MYO1C: variants seen among roughly 807,000 people sequenced by gnomAD.
MYO1C encodes the protein unconventional myosin-Ic.
In MYO1C, 104 loss-of-function variants were observed where a neutral mutation model predicts 150.8. That is an observed-to-expected ratio of 0.69 (90% CI 0.59 to 0.81). The LOEUF (loss-of-function observed/expected upper bound fraction) is 0.81. MYO1C is among the 30% of genes least tolerant of loss of function. The pLI is 0.00. For synonymous variants in MYO1C, 663 were observed against 579.9 expected (o/e 1.14, Z -2.06); for missense variants, 1,504 against 1,435.0 (o/e 1.05, Z -0.78).
intron 29 of MYO1C, 109 bp downstream of exon 29, chr17:1,467,731 A>C (rs1262411600): frequency 1.2e-3 from 285 of 230,726 alleles, no homozygotes; most frequent in African/African-American, 1.7e-3. Flanking sequence ...ACCCCCATCC[A>C]CCCTCCCACC....
At chr17:1,466,067 G>A (rs972145963) in intron 31 of MYO1C, among the ~76,000 whole-genome samples, 19 of 151,394 alleles carry the variant, frequency 1.3e-4, no homozygotes, top group African/African-American at 4.1e-4. Context: ...AATGCCCACC[G>A]CCCTGGCCAG....
Position 1,478,830 on chromosome 17 carries a change from T to G in MYO1C, c.1093-95A>C. 6.3e-7 allele frequency: 1 copy of G among 1,576,158 alleles called. No individual in the cohort carries two copies. Among genetic ancestry groups the G allele is most frequent in the Admixed American group, 1.7e-5 (1 of 58,336 alleles). On this transcript the variant is annotated intron_variant, in intron 9 of 31. Coordinates refer to ENST00000648651, the MANE Select transcript of MYO1C (RefSeq NM_001080779.2). This position sits in a 1 kb window ranked among gnomAD's most constrained non-coding sequence, Gnocchi z 6.3. ...AGGCAGACCAGGAAGCCGCCACCAC[T>G]CTGCACTCCCAGCTCCAGCAAGCCT... is the stretch of plus-strand genomic sequence containing the variant.
Position 1,478,367 on chromosome 17 carries a change from G to A in MYO1C, c.1295+43C>T. On this transcript the variant is annotated intron_variant, in intron 11 of 31. Coordinates refer to ENST00000648651, the MANE Select transcript of MYO1C (RefSeq NM_001080779.2). This position sits in a 1 kb window ranked among gnomAD's most constrained non-coding sequence, Gnocchi z 6.3. ...CTGGAGGACAGAAGAGAGGGAGCAG[G>A]ACAGGAGACCGGGAGGAGAGACGGG... The A allele has an allele frequency of 6.2e-7, 1 of 1,609,604 alleles. No individual in the cohort carries two copies. Among genetic ancestry groups the A allele is most frequent in the Non-Finnish European group, 8.5e-7 (1 of 1,175,948 alleles).
chr17:1,491,748 G>A, intron 1 of MYO1C: 4 of 676,768 alleles, frequency 5.9e-6, no homozygotes, highest in Non-Finnish European at 7.3e-6. Context: ...CGCACCCTCC[G>A]GCCCCGCCCC....
intron 5 of MYO1C, 59 bp from the exon 6 acceptor site, chr17:1,480,944 C>T: frequency 6.4e-7 from 1 of 1,566,016 alleles, no homozygotes; most frequent in Non-Finnish European, 8.7e-7. Context: ...AGCCCACCTG[C>T]CCCTCTTCTC....
intron 16 of MYO1C, 40 bp from the exon 17 acceptor site, chr17:1,474,730 C>G: frequency 1.9e-6 from 3 of 1,613,416 alleles, no homozygotes; most frequent in Non-Finnish European, 1.7e-6. Flanking sequence ...GGCACAGGGA[C>G]AGGCAGGACA....
chr17:1,474,119 G>GCA (rs761826686), intron 17 of MYO1C, among the ~76,000 whole-genome samples: 1 of 151,750 alleles, frequency 6.6e-6, no homozygotes, highest in Non-Finnish European at 1.5e-5. Flanking sequence ...TATAGACACA[G>GCA]CACACACACA....
chr17:1,470,687 T>C lies in MYO1C; in HGVS notation c.2215A>G (p.Thr739Ala), dbSNP rs1212164909. 2 of 1,603,462 alleles carry C rather than the reference T, an allele frequency of 1.2e-6. No homozygotes were observed. The highest frequency in any genetic ancestry group is 1.3e-5 in the African/African-American group (1 of 74,956). ...ALEVRRQSLA[T>A]KIQAAWRGFH... The stretch of plus-strand genomic sequence containing the variant: ...CCCCTCCAGGCAGCTTGGATCTTTG[T>C]GGCTGCGGTTGGGAAAGAAAGGCAA... Residue 739 changes from threonine to alanine, a missense_variant and splice_region_variant, in exon 22 of 32, where the codon ACA becomes GCA. Coordinates refer to ENST00000648651, the MANE Select transcript of MYO1C (RefSeq NM_001080779.2).
chr17:1,468,618 G>GC, intron 25 of MYO1C, 122 bp from the exon 26 acceptor site: 7 of 770,110 alleles, frequency 9.1e-6, no homozygotes, highest in Non-Finnish European at 1.5e-5. Context: ...CTCTGGCTCA[G>GC]CACCAGGAGG....
chr17:1,482,687 G>T, intron 4 of MYO1C, 129 bp from the exon 5 acceptor site: 1 of 366,966 alleles, frequency 2.7e-6, no homozygotes, highest in South Asian at 2.3e-5. Flanking sequence ...CTCCCCTCCC[G>T]CACTGGGCTT....
At position 1,477,504 on chromosome 17, in the gene MYO1C, C is replaced by T. The variant is rs977447289; in HGVS notation, c.1574+1G>A. 3.1e-6 allele frequency: 5 copies of T among 1,613,624 alleles called. No homozygotes were observed. The highest frequency in any genetic ancestry group is 2.2e-5 in the South Asian group (2 of 91,082). On this transcript the variant is annotated splice_donor_variant, in intron 14 of 31. Coordinates refer to ENST00000648651, the MANE Select transcript of MYO1C (RefSeq NM_001080779.2). LOFTEE classifies it high-confidence loss of function. ...CCCAGCAGCCCCGCAGCCCCACTCACGTCAGGAAGTGTGGATGGTGCTTGA... is the reference window on the plus strand; with the variant it reads ...CCCAGCAGCCCCGCAGCCCCACTCATGTCAGGAAGTGTGGATGGTGCTTGA...
At position 1,470,485 on chromosome 17, in the gene MYO1C, C is replaced by T. The variant is rs1377273777; in HGVS notation, c.2316G>A (p.Leu772=). ...ICIQSWWRGT[L]GRRKAAKRKW... The stretch of plus-strand genomic sequence containing the variant: ...TCCTCTTGGCTGCCTTCCTCCGGCC[C>T]AGTGTTCCACGCCACCACGACTGGA... Residue 772 remains leucine (L), a synonymous_variant, in exon 23 of 32, where the codon CTG becomes CTA. Transcript: ENST00000648651. 3.0e-5 allele frequency: 46 copies of T among 1,551,300 alleles called. No homozygotes were observed. The highest frequency in any genetic ancestry group is 3.8e-5 in the Non-Finnish European group (44 of 1,147,318).
intron 25 of MYO1C, 181 bp downstream of exon 25, chr17:1,469,350 T>C (rs2074248440): frequency 1.5e-6 from 1 of 647,080 alleles, no homozygotes; most frequent in African/African-American, 1.8e-5. Context: ...GCGGGGTAAA[T>C]ACGGTAGACT....
intron 1 of MYO1C, among the ~76,000 whole-genome samples, chr17:1,487,460 G>C (rs1474848498): frequency 2.0e-5 from 3 of 152,238 alleles, no homozygotes; most frequent in Non-Finnish European, 4.4e-5. Flanking sequence ...TGCGGGGAAG[G>C]CTCGTCACTG....
In MYO1C at chr17:1,480,571, T is replaced by C. The variant is rs2074499608; in HGVS notation, c.862A>G (p.Arg288Gly). The change falls in exon 7 of 32, where the codon AGG becomes GGG. Residue 288 changes from arginine to glycine, a missense_variant. Arg to Gly is a moderately radical substitution (Grantham distance 125, BLOSUM62 -2). Transcript: ENST00000648651. Reference protein sequence around the residue: ...INDKSDWKVVRKALTVIDFTE... With the variant: ...INDKSDWKVVGKALTVIDFTE... ...AAATCAATGACTGTCAGAGCCTTCCTGACGACCTTCCAGTCACTCTTGTCG... is the reference window on the plus strand; with the variant it reads ...AAATCAATGACTGTCAGAGCCTTCCCGACGACCTTCCAGTCACTCTTGTCG... 1 of 1,614,116 alleles carries C rather than the reference T, an allele frequency of 6.2e-7. No individual in the cohort carries two copies. Among genetic ancestry groups the C allele is most frequent in the South Asian group, 1.1e-5 (1 of 91,092 alleles).
At position 1,479,525 on chromosome 17, in the gene MYO1C, CG is replaced by C. The variant is rs777703327; in HGVS notation, c.1021-24del. ...GAGCTGCCAAGGGCAGGCGAGGACACGGTGAGGGTGCACCCCCAGCCCCCGC... is the reference window on the plus strand; with the variant it reads ...GAGCTGCCAAGGGCAGGCGAGGACACGTGAGGGTGCACCCCCAGCCCCCGC... On this transcript the variant is annotated intron_variant, in intron 8 of 31. Coordinates refer to ENST00000648651, the MANE Select transcript of MYO1C (RefSeq NM_001080779.2). The surrounding 1 kb of genome is among the most constrained non-coding windows in gnomAD (Gnocchi z 4.2). 6 of 1,505,548 alleles carry C rather than the reference CG, an allele frequency of 4.0e-6. No homozygotes were observed. In the African/African-American group the frequency reaches 8.3e-5, roughly 21 times the overall value. The allele number at this position is 1,505,548 out of a possible 1,614,324, so 93.3% of individuals were successfully genotyped here.
At chr17:1,469,311 A>C (rs1022627700) in intron 25 of MYO1C, 24 of 593,638 alleles carry the variant, frequency 4.0e-5, no homozygotes, top group Non-Finnish European at 7.1e-5. Context: ...AGGTGGGGTA[A>C]ATACAGTAGA....
At chr17:1,485,445 C>T (rs1240838693) in intron 1 of MYO1C, 1 of 768,756 alleles carries the variant, frequency 1.3e-6, no homozygotes, top group South Asian at 5.3e-5. Context: ...CCGCGGTCCC[C>T]GCCCCCTCGC....
At position 1,485,706 on chromosome 17, in the gene MYO1C, G is replaced by A. The variant is rs749069588; in HGVS notation, c.76-1403C>T. ...CCCCCAGGCTCACCGACGCCCGGTA[G>A]CGCATCCTGCCCGGCCGGCCTGGCG... On this transcript the variant is annotated intron_variant, in intron 1 of 31. Transcript: ENST00000648651. 7.4e-5 allele frequency: 88 copies of A among 1,193,426 alleles called. No homozygotes were observed. In the South Asian group the frequency reaches 8.3e-4, roughly 11 times the overall value. The allele number at this position is 1,193,426 out of a possible 1,614,324, so 73.9% of individuals were successfully genotyped here. A position where few individuals can be genotyped will look rare whatever the true frequency, so the allele number is the denominator to read the frequency against.
Sources: allele counts gnomAD v4.1 joint callset (sites outside exome capture counted in the v4.1 genomes callset), GRCh38; gene constraint gnomAD v4.1.1; non-coding constraint Gnocchi (gnomAD v3.1); transcripts MANE v1.5; gene names NCBI Gene and HGNC (gene_info 2026-07-23, HGNC 2026-07-21).